SYT16: variants seen among roughly 807,000 people sequenced by gnomAD.
SYT16 encodes synaptotagmin 16.
SYT16 carries 42 observed loss-of-function variants against 61.4 expected under a neutral mutation model. The ratio of observed to expected loss-of-function variants is 0.68; its 90% CI spans 0.53 to 0.89. SYT16 has a LOEUF of 0.89. Among genes scored for constraint, SYT16 ranks in the 40% least tolerant of loss-of-function variants. The pLI is 0.00. For missense variants in SYT16, 804 were observed against 807.3 expected, an observed-to-expected ratio of 1.00 and a Z score of 0.05; for synonymous variants, 314 against 302.3, an observed-to-expected ratio of 1.04 and a Z score of -0.40.
intron 1 of SYT16, among the ~76,000 whole-genome samples, chr14:61,965,303 A>G (rs1036323063): frequency 2.6e-5 from 4 of 152,204 alleles, no homozygotes; most frequent in Non-Finnish European, 5.9e-5. Flanking sequence ...TCAAATCTAC[A>G]GTTTAACATA....
intron 1 of SYT16, among the ~76,000 whole-genome samples, chr14:61,925,421 G>A (rs959862638): frequency 2.0e-5 from 3 of 152,166 alleles, no homozygotes; most frequent in Non-Finnish European, 4.4e-5. Flanking sequence ...TGCAAAGAGT[G>A]TCCAACGTGG....
rs148810370 is a variant in SYT16, at chr14:61,971,230, A to G, written c.-145+919A>G. ...TAAAGGCATATTATCTACTGCTTAT[A>G]ACAAATTATCCCAAGACTTAGTAAC... is the stretch of plus-strand genomic sequence containing the variant. On this transcript the variant is annotated intron_variant, in intron 2 of 7. Transcript: ENST00000683842. Among the ~76,000 whole-genome samples, 360 of 152,362 alleles carry G rather than the reference A, an allele frequency of 2.4e-3. 3 individuals are homozygous for G. Among genetic ancestry groups the G allele is most frequent in the African/African-American group, 8.4e-3 (348 of 41,584 alleles).
chr14:62,061,221 A>T (rs1259333541), intron 3 of SYT16, among the ~76,000 whole-genome samples: 1 of 152,094 alleles, frequency 6.6e-6, no homozygotes, highest in African/African-American at 2.4e-5. Context: ...CCCTAGAACA[A>T]CCGTTGACAG....
At chr14:61,845,999 G>C (rs941000609) in intron 1 of SYT16, among the ~76,000 whole-genome samples, 1 of 152,078 alleles carries the variant, frequency 6.6e-6, no homozygotes, top group Non-Finnish European at 1.5e-5. Flanking sequence ...AATTCCTCTA[G>C]TTTTATTCCA....
intron 1 of SYT16, among the ~76,000 whole-genome samples, chr14:61,886,178 A>T (rs905473672): frequency 6.6e-6 from 1 of 151,782 alleles, no homozygotes; most frequent in African/African-American, 2.4e-5. Context: ...GTTGGCCAGG[A>T]TGGTCTCGAT....
intron 1 of SYT16, among the ~76,000 whole-genome samples, chr14:61,835,927 C>T (rs1014880732): frequency 6.6e-6 from 1 of 152,054 alleles, no homozygotes; most frequent in African/African-American, 2.4e-5. Context: ...TGAGTAAGAC[C>T]CACTCTCGTT....
chr14:62,102,935 T>G lies in SYT16; in HGVS notation c.*2228T>G, dbSNP rs1010646539. The G allele has an allele frequency of 6.6e-6, 1 of 152,186 alleles. No homozygotes were observed. Among genetic ancestry groups the G allele is most frequent in the African/African-American group, 2.4e-5 (1 of 41,436 alleles). The allele number at this position is 152,186 out of a possible 1,614,324, so 9.4% of individuals were successfully genotyped here. The stretch of plus-strand genomic sequence containing the variant: ...CCAATGGTCTGTTTATGATACAGTT[T>G]ACAGGAATGCGCACCATTTTAAGGG... On this transcript the variant is annotated 3_prime_UTR_variant, in exon 8 of 8. Transcript: ENST00000683842.
intron 1 of SYT16, among the ~76,000 whole-genome samples, chr14:61,863,137 A>C (rs1343211698): frequency 1.3e-5 from 2 of 152,182 alleles, no homozygotes; most frequent in Non-Finnish European, 2.9e-5. Flanking sequence ...GGTAAATCCT[A>C]AGGAGAATGA....
chr14:61,957,919 T>A (rs900483697), intron 1 of SYT16, among the ~76,000 whole-genome samples: 3 of 151,982 alleles, frequency 2.0e-5, no homozygotes, highest in African/African-American at 7.2e-5. Context: ...TGAAGCCATC[T>A]TGTCCTGGGC....
chr14:62,093,070 G>A (rs1049997977), intron 7 of SYT16, among the ~76,000 whole-genome samples: 2 of 151,882 alleles, frequency 1.3e-5, no homozygotes, highest in African/African-American at 2.4e-5. Context: ...GTGGGAGCAG[G>A]GAGTTTATGG....
chr14:62,068,332 T>C (rs1421038911), intron 3 of SYT16, among the ~76,000 whole-genome samples: 1 of 151,846 alleles, frequency 6.6e-6, no homozygotes, highest in East Asian at 1.9e-4. Context: ...GAAAGAGGCA[T>C]AGTGCATCAT....
intron 2 of SYT16, among the ~76,000 whole-genome samples, chr14:61,975,457 G>A (rs569252741): frequency 1.8e-3 from 279 of 152,278 alleles, no homozygotes; most frequent in African/African-American, 6.5e-3. Context: ...ATTGACTCAC[G>A]GTTCAGCATG....
chr14:61,876,764 G>A (rs940107964), intron 1 of SYT16, among the ~76,000 whole-genome samples: 7 of 152,190 alleles, frequency 4.6e-5, no homozygotes, highest in South Asian at 4.1e-4. Flanking sequence ...AGGGGACAGC[G>A]CATTTCAAGC....
intron 1 of SYT16, among the ~76,000 whole-genome samples, chr14:61,965,382 ATGAAAT>A (rs1366857316): frequency 2.0e-5 from 3 of 152,200 alleles, no homozygotes; most frequent in African/African-American, 7.2e-5. Flanking sequence ...ACAGAAAAAG[ATGAAAT>A]TGAAATTAAT....
intron 1 of SYT16, among the ~76,000 whole-genome samples, chr14:61,850,201 C>T (rs958865238): frequency 4.0e-5 from 6 of 148,804 alleles, no homozygotes; most frequent in Non-Finnish European, 8.9e-5. Context: ...ATGGTGTGAT[C>T]TCGGCTCACT....
At chr14:62,040,976 ACAAT>A (rs2054706275) in intron 3 of SYT16, among the ~76,000 whole-genome samples, 1 of 152,156 alleles carries the variant, frequency 6.6e-6, no homozygotes, top group Non-Finnish European at 1.5e-5. Flanking sequence ...ATCAACTCAC[ACAAT>A]CAATGGGTCC....
chr14:62,009,508 A>C (rs1287114132), intron 3 of SYT16, among the ~76,000 whole-genome samples: 2 of 152,192 alleles, frequency 1.3e-5, no homozygotes, highest in African/African-American at 4.8e-5. Flanking sequence ...GCTGGTTCTC[A>C]AACTACTATC....
chr14:61,960,070 G>A (rs965637671), intron 1 of SYT16, among the ~76,000 whole-genome samples: 1 of 152,164 alleles, frequency 6.6e-6, no homozygotes, highest in East Asian at 1.9e-4. Flanking sequence ...GTGCTCAAGT[G>A]ATCTGCCCAC....
Position 62,069,527 on chromosome 14 carries a change from G to A in SYT16, c.524-76G>A, listed in dbSNP as rs1595340345. On this transcript the variant is annotated intron_variant, in intron 3 of 7. Transcript: ENST00000683842. Reference sequence around the variant, plus strand: ...CTCATTGTCCACGTTCTTCTCTTCTGTTTTCCTGGAGAGTCTATCTCTGTA... The same window carrying A: ...CTCATTGTCCACGTTCTTCTCTTCTATTTTCCTGGAGAGTCTATCTCTGTA... 7.9e-6 allele frequency: 11 copies of A among 1,399,592 alleles called. No homozygotes were observed. The East Asian group carries it at 2.3e-4, about 29-fold the overall frequency. The allele number at this position is 1,399,592 out of a possible 1,614,324, so 86.7% of individuals were successfully genotyped here.
Sources: allele counts gnomAD v4.1 joint callset (sites outside exome capture counted in the v4.1 genomes callset), GRCh38; gene constraint gnomAD v4.1.1; transcripts MANE v1.5; gene names NCBI Gene and HGNC (gene_info 2026-07-23, HGNC 2026-07-21).